SPO11: variants seen among roughly 807,000 people sequenced by gnomAD.
The protein encoded by SPO11 is SPO11 initiator of meiotic double strand breaks.
SPO11 carries 49 observed loss-of-function variants against 51.6 expected under a neutral mutation model. The ratio of observed to expected loss-of-function variants is 0.95; its 90% CI spans 0.75 to 1.20. The LOEUF is 1.20. Among genes scored for constraint, SPO11 ranks in the 50% most tolerant of loss-of-function variants. The pLI is 0.00. For synonymous variants in SPO11, 176 were observed against 158.2 expected, an observed-to-expected ratio of 1.11 and a Z score of -0.84; for missense variants, 431 against 473.4, an observed-to-expected ratio of 0.91 and a Z score of 0.83.
chr20:57,331,896 T>C lies in SPO11; in HGVS notation c.195T>C (p.Asn65=). The change falls in exon 2 of 13, where the codon AAT becomes AAC. Residue 65 remains asparagine (N), a synonymous_variant. Coordinates refer to ENST00000371263, the MANE Select transcript of SPO11 (RefSeq NM_012444.3). ...IQDIITSLAR[N]EAPAFTIDNR... is the part of the protein sequence containing the mutation. ...ACATAATCACAAGCTTGGCAAGAAATGAAGCACCTGCATTCACGATAGACA... is the reference window on the plus strand; with the variant it reads ...ACATAATCACAAGCTTGGCAAGAAACGAAGCACCTGCATTCACGATAGACA... 6.2e-7 allele frequency: 1 copy of C among 1,606,946 alleles called. No individual in the cohort carries two copies. Among genetic ancestry groups the C allele is most frequent in the Non-Finnish European group, 8.5e-7 (1 of 1,176,828 alleles).
intron 2 of SPO11, among the ~76,000 whole-genome samples, chr20:57,332,838 G>A (rs1299118350): frequency 6.6e-6 from 1 of 152,158 alleles, no homozygotes; most frequent in Non-Finnish European, 1.5e-5. Flanking sequence ...ATTAAAATGA[G>A]TAAAGTACTA....
At chr20:57,342,445 A>G (rs892475090) in intron 11 of SPO11, among the ~76,000 whole-genome samples, 2 of 152,226 alleles carry the variant, frequency 1.3e-5, no homozygotes, top group South Asian at 2.1e-4. Context: ...TTAATAACCA[A>G]TATCAGTCTT....
chr20:57,337,880 TTATTAC>T (rs1342833239), intron 8 of SPO11: 1 of 552,234 alleles, frequency 1.8e-6, no homozygotes, highest in African/African-American at 2.0e-5. Context: ...CTATAATTTA[TTATTAC>T]TATTATTATT....
intron 1 of SPO11, among the ~76,000 whole-genome samples, chr20:57,330,722 AAACC>A (rs2066438942): frequency 6.6e-6 from 1 of 152,194 alleles, no homozygotes; most frequent in Non-Finnish European, 1.5e-5. Context: ...TTTTAAGCCC[AAACC>A]AACCACCAAA....
At chr20:57,332,088 C>A in intron 2 of SPO11, 142 bp downstream of exon 2, 1 of 494,426 alleles carries the variant, frequency 2.0e-6, no homozygotes, top group Non-Finnish European at 3.5e-6. Flanking sequence ...TTACGAAATA[C>A]ATACCATACA....
At chr20:57,343,274 A>G (rs552868814) in intron 12 of SPO11, 67 bp from the exon 13 acceptor site, 1 of 1,557,852 alleles carries the variant, frequency 6.4e-7, no homozygotes, top group Non-Finnish European at 8.7e-7. Context: ...CTAGATTACT[A>G]GTTTGTTGAA....
At chr20:57,333,809 G>C in intron 4 of SPO11, 56 bp downstream of exon 4, 1 of 1,123,500 alleles carries the variant, frequency 8.9e-7, no homozygotes, top group Non-Finnish European at 1.3e-6. Flanking sequence ...GAAATAGTTG[G>C]ATTAACTTTT....
rs766175887 is a variant in SPO11 at position 57,340,187 on chromosome 20, G to A, written c.959+9G>A. 7.0e-6 allele frequency: 11 copies of A among 1,562,064 alleles called. No homozygotes were observed. In the Admixed American group the frequency reaches 1.7e-4, roughly 24 times the overall value. ...CCTTCTGATCTTAAAAGGTTAGATA[G>A]TATAGCAGAACTAGGATATTTAAAA... is the stretch of plus-strand genomic sequence containing the variant. On this transcript the variant is annotated intron_variant, in intron 11 of 12. Coordinates refer to ENST00000371263, the MANE Select transcript of SPO11 (RefSeq NM_012444.3).
rs149324083 is a variant in SPO11, at chr20:57,329,819, C to G, written c.-49C>G. ...AAGGCACGCAGCCACGCCCCAAGGG[C>G]GCAGCCTAGGACAGGGGCTTCTGGA... On this transcript the variant is annotated 5_prime_UTR_variant, in exon 1 of 13. Transcript: ENST00000371263. The G allele has an allele frequency of 1.0e-5, 16 of 1,557,738 alleles. No individual in the cohort carries two copies. The highest frequency in any genetic ancestry group is 2.3e-5 in the South Asian group (2 of 85,650).
rs111226724 is a variant in SPO11 at position 57,334,210 on chromosome 20, A to G, written c.510+115A>G. The G allele has an allele frequency of 1.6e-3, 539 of 340,252 alleles. 3 individuals are homozygous for G. Among genetic ancestry groups the G allele is most frequent in the African/African-American group, 0.011 (505 of 45,566 alleles). 21.1% of individuals were successfully genotyped at this position (340,252 alleles called of 1,614,324 possible). On this transcript the variant is annotated intron_variant, in intron 5 of 12. Transcript: ENST00000371263. The stretch of plus-strand genomic sequence containing the variant: ...TGCTCTGTCGCCTAGGCTGGAGTGC[A>G]GTGGCGCGATCTCAACTCACTGCAA...
chr20:57,332,575 G>C (rs1460829175), intron 2 of SPO11, among the ~76,000 whole-genome samples: 2 of 152,094 alleles, frequency 1.3e-5, no homozygotes, highest in Admixed American at 1.3e-4. Context: ...CATCACTGTT[G>C]TTTTATGATC....
At chr20:57,340,278 T>C in intron 11 of SPO11, 100 bp downstream of exon 11, 1 of 693,992 alleles carries the variant, frequency 1.4e-6, no homozygotes, top group African/African-American at 1.8e-5. Flanking sequence ...CTCTTAATGT[T>C]TTTTATTTAT....
Position 57,338,323 on chromosome 20 carries a change from G to A in SPO11, c.792G>A (p.Leu264=). The A allele has an allele frequency of 1.2e-6, 2 of 1,613,950 alleles. No homozygotes were observed. The highest frequency in any genetic ancestry group is 1.7e-6 in the Non-Finnish European group (2 of 1,179,942). ...DLNTRLLVKK[L]WDTFHVPVFT... ...ACACAAGACTTTTAGTCAAGAAACT[G>A]TGGGATACATTTCATGTTCCTGTTT... The change falls in exon 9 of 13, where the codon CTG becomes CTA. Residue 264 remains leucine (L), a synonymous_variant. Coordinates refer to ENST00000371263, the MANE Select transcript of SPO11 (RefSeq NM_012444.3).
intron 12 of SPO11, 49 bp downstream of exon 12, chr20:57,342,889 CT>C: frequency 7.8e-7 from 1 of 1,289,962 alleles, no homozygotes; most frequent in South Asian, 1.2e-5. Context: ...TTGTCTTTTA[CT>C]TTAGTAGTGG....
At position 57,343,565 on chromosome 20, in the gene SPO11, A is replaced by C; in HGVS notation, c.*105A>C. The C allele has an allele frequency of 1.6e-6, 2 of 1,219,370 alleles. No homozygotes were observed. The highest frequency in any genetic ancestry group is 2.2e-6 in the Non-Finnish European group (2 of 900,354). 75.5% of individuals were successfully genotyped at this position (1,219,370 alleles called of 1,614,324 possible). On this transcript the variant is annotated 3_prime_UTR_variant, in exon 13 of 13. Transcript: ENST00000371263. Reference sequence around the variant, plus strand: ...ACATATATTATATTCTTAATTCTGTAAAAGTGAAATAAAATAACTTTCCGT... The same window carrying C: ...ACATATATTATATTCTTAATTCTGTCAAAGTGAAATAAAATAACTTTCCGT...
intron 8 of SPO11, chr20:57,337,869 C>T: frequency 1.5e-6 from 1 of 664,398 alleles, no homozygotes; most frequent in Non-Finnish European, 2.2e-6. Context: ...ATGAGCATAA[C>T]CTATAATTTA....
Position 57,333,228 on chromosome 20 carries a change from A to G in SPO11, c.286A>G (p.Thr96Ala). The change falls in exon 3 of 13, where the codon ACC (threonine) becomes GCC (alanine). Residue 96 changes from threonine (T) to alanine (A), a missense_variant. Around this residue, in one of 3 missense-constraint regions of SPO11, gnomAD observed 405 missense variants for 425.9 expected, o/e 0.95. Coordinates refer to ENST00000371263, the MANE Select transcript of SPO11 (RefSeq NM_012444.3). ...SVGLQMVSHC[T>A]TRKIKSDSPK... is the part of the protein sequence containing the mutation. ...GGGTCTTCAGATGGTATCCCATTGCACCACCAGAAAGATCAAAAGTGATTC... is the reference window on the plus strand; with the variant it reads ...GGGTCTTCAGATGGTATCCCATTGCGCCACCAGAAAGATCAAAAGTGATTC... The G allele has an allele frequency of 1.2e-6, 2 of 1,610,250 alleles. No homozygotes were observed. The highest frequency in any genetic ancestry group is 2.2e-5 in the East Asian group (1 of 44,668).
Position 57,333,736 on chromosome 20 carries a change from C to T in SPO11, c.384C>T (p.Asn128=), listed in dbSNP as rs1470742589. 6.7e-7 allele frequency: 1 copy of T among 1,499,990 alleles called. No individual in the cohort carries two copies. Among genetic ancestry groups the T allele is most frequent in the Non-Finnish European group, 9.2e-7 (1 of 1,082,974 alleles). 92.9% of individuals were successfully genotyped at this position (1,499,990 alleles called of 1,614,324 possible). Residue 128 remains asparagine (N), a synonymous_variant, in exon 4 of 13, where the codon AAC becomes AAT. Transcript: ENST00000371263. The part of the protein sequence containing the change: ...LSMIYKLVQS[N]TYATKRDIYY... ...TGATTTATAAATTAGTACAGAGCAACACTTATGCAACCAAAAGGTAAATAT... is the reference window on the plus strand; with the variant it reads ...TGATTTATAAATTAGTACAGAGCAATACTTATGCAACCAAAAGGTAAATAT...
rs1360352252 is a variant in SPO11 at position 57,331,836 on chromosome 20, T to C, written c.135T>C (p.Ser45=). ...CATGCTCTGTTTATTGTTTCAGTTCTGAGGTTCTTGCATCTATAGAAAATA... is the reference window on the plus strand; with the variant it reads ...CATGCTCTGTTTATTGTTTCAGTTCCGAGGTTCTTGCATCTATAGAAAATA... ...PTGGSRLASS[S]EVLASIENII... Residue 45 remains serine, a synonymous_variant, in exon 2 of 13, where the codon TCT becomes TCC. Coordinates refer to ENST00000371263, the MANE Select transcript of SPO11 (RefSeq NM_012444.3). 2.6e-6 allele frequency: 4 copies of C among 1,557,878 alleles called. No individual in the cohort carries two copies. In the Admixed American group the frequency reaches 5.7e-5, roughly 22 times the overall value.
Sources: allele counts gnomAD v4.1 joint callset (sites outside exome capture counted in the v4.1 genomes callset), GRCh38; gene constraint gnomAD v4.1.1; regional missense constraint gnomAD v4.1.1; transcripts MANE v1.5; gene names NCBI Gene and HGNC (gene_info 2026-07-23, HGNC 2026-07-21).